PTPRK: variants seen among roughly 807,000 people sequenced by gnomAD.
PTPRK encodes protein tyrosine phosphatase receptor type K.
Under a neutral mutation model 178.0 loss-of-function variants are expected in PTPRK, and 75 were observed. The ratio of observed to expected loss-of-function variants is 0.42; its 90% CI spans 0.35 to 0.51. PTPRK has a LOEUF of 0.51. Among genes scored for constraint, PTPRK ranks in the 20% least tolerant of loss-of-function variants. PTPRK has a pLI of 0.02. For missense variants in PTPRK, 1,441 were observed against 1,797.8 expected, an observed-to-expected ratio of 0.80 and a Z score of 3.59; for synonymous variants, 637 against 620.6, an observed-to-expected ratio of 1.03 and a Z score of -0.39.
intron 1 of PTPRK, among the ~76,000 whole-genome samples, chr6:128,458,579 G>A (rs528023800): frequency 1.8e-4 from 27 of 152,220 alleles, no homozygotes; most frequent in African/African-American, 5.5e-4. Flanking sequence ...TTTTATGTGC[G>A]CATGTGCACA....
intron 22 of PTPRK, 30 bp downstream of exon 22, chr6:127,985,691 A>G: frequency 6.4e-7 from 1 of 1,558,760 alleles, no homozygotes; most frequent in Non-Finnish European, 8.8e-7. Context: ...CTGATTGCAT[A>G]CAGTCAATAC....
intron 13 of PTPRK, among the ~76,000 whole-genome samples, chr6:128,050,683 C>G (rs148572794): frequency 1.2e-4 from 18 of 152,320 alleles, no homozygotes; most frequent in Middle Eastern, 3.4e-3. Flanking sequence ...AGGAAACAAA[C>G]TATTACACTA....
chr6:128,090,764 T>C (rs2115026700), intron 7 of PTPRK, among the ~76,000 whole-genome samples: 1 of 152,284 alleles, frequency 6.6e-6, no homozygotes, highest in East Asian at 1.9e-4. Context: ...AAGACTAACT[T>C]GAATCATCTA....
At chr6:128,403,608 T>C (rs942013618) in intron 1 of PTPRK, among the ~76,000 whole-genome samples, 8 of 152,146 alleles carry the variant, frequency 5.3e-5, no homozygotes, top group Admixed American at 1.3e-4. Flanking sequence ...AGCATCCTTA[T>C]TTTTTCATGT....
In PTPRK at chr6:127,970,128, C is replaced by T. The variant is rs948392850; in HGVS notation, c.*99G>A. The T allele has an allele frequency of 4.6e-6, 4 of 875,104 alleles. No homozygotes were observed. The highest frequency in any genetic ancestry group is 3.5e-5 in the African/African-American group (2 of 57,444). 54.2% of individuals were successfully genotyped at this position (875,104 alleles called of 1,614,324 possible). ...AAATGTAAAAGTCTCCCACCCCCCA[C>T]ATTAAAATCTTTCTGCACAAGTGTA... On this transcript the variant is annotated 3_prime_UTR_variant, in exon 30 of 30. Transcript: ENST00000368226.
intron 6 of PTPRK, among the ~76,000 whole-genome samples, chr6:128,197,192 T>C (rs1805024529): frequency 1.3e-5 from 2 of 151,120 alleles, no homozygotes; most frequent in Admixed American, 6.6e-5. Flanking sequence ...TTCTTTTTTT[T>C]TTTTTTGGCT....
At chr6:128,236,954 T>A (rs776177419) in intron 5 of PTPRK, among the ~76,000 whole-genome samples, 3 of 152,186 alleles carry the variant, frequency 2.0e-5, no homozygotes, top group Admixed American at 6.5e-5. Flanking sequence ...TTTGTGTTTT[T>A]CCCTGCATTT....
chr6:128,184,617 T>C lies in PTPRK; in HGVS notation c.977A>G (p.Lys326Arg). The change falls in exon 7 of 30, where the codon AAA becomes AGA. Residue 326 changes from lysine (K) to arginine (R), a missense_variant. Physicochemically the swap from Lys to Arg is conservative, Grantham distance 26. This residue lies in a region of PTPRK where 945 missense variants were observed against 1,080.6 expected (regional missense o/e 0.87). Transcript: ENST00000368226. ...SIIGDGPIIL[K>R]EVEYRMTSGS... is the part of the protein sequence containing the mutation. ...TGATGTCATTCGGTACTCTACTTCTTTCAGGATGATAGGACCATCGCCAAT... is the reference window on the plus strand; with the variant it reads ...TGATGTCATTCGGTACTCTACTTCTCTCAGGATGATAGGACCATCGCCAAT... 6.2e-7 allele frequency: 1 copy of C among 1,614,044 alleles called. No individual in the cohort carries two copies.
chr6:128,336,473 G>C (rs967911131), intron 2 of PTPRK, among the ~76,000 whole-genome samples: 39 of 152,270 alleles, frequency 2.6e-4, no homozygotes, highest in African/African-American at 9.1e-4. Context: ...CTGGGAAAAT[G>C]GGAGGTAATT....
At chr6:128,299,660 G>T (rs1187179584) in intron 3 of PTPRK, among the ~76,000 whole-genome samples, 3 of 151,892 alleles carry the variant, frequency 2.0e-5, no homozygotes, top group African/African-American at 7.3e-5. Flanking sequence ...GGGAAAACTG[G>T]CTAGCCTTAT....
chr6:128,179,376 A>G (rs1485004388), intron 7 of PTPRK, among the ~76,000 whole-genome samples: 1 of 152,026 alleles, frequency 6.6e-6, no homozygotes, highest in Non-Finnish European at 1.5e-5. Context: ...TACTCACAAA[A>G]AGGAAATCTA....
chr6:128,307,190 T>TAC (rs377120617), intron 3 of PTPRK, among the ~76,000 whole-genome samples: 54 of 146,788 alleles, frequency 3.7e-4, no homozygotes, highest in East Asian at 1.4e-3. Context: ...GATATATACA[T>TAC]ACACACACAC....
rs1583355057 is a variant in PTPRK at position 128,180,237 on chromosome 6, G to A, written c.1162+4195C>T. Among the ~76,000 whole-genome samples the A allele has an allele frequency of 3.3e-5, 5 of 150,972 alleles. No individual in the cohort carries two copies. The South Asian group carries it at 1.0e-3, about 31-fold the overall frequency. On this transcript the variant is annotated intron_variant, in intron 7 of 29. Transcript: ENST00000368226. ...CATATTTTATTTCCATTTAATAAGA[G>A]AAAGAGAAACTGTATTTGCCTAGCT...
chr6:128,072,323 C>A (rs1430811686), intron 11 of PTPRK, among the ~76,000 whole-genome samples: 1 of 151,832 alleles, frequency 6.6e-6, no homozygotes, highest in Admixed American at 6.6e-5. Flanking sequence ...TCCCAATAAA[C>A]CCATTACAAG....
chr6:128,287,713 C>T (rs1023003589), intron 3 of PTPRK, among the ~76,000 whole-genome samples: 3 of 152,110 alleles, frequency 2.0e-5, no homozygotes, highest in African/African-American at 4.8e-5. Context: ...ACTTCCTTTC[C>T]GTCATTCTTG....
chr6:128,211,826 G>C (rs1391184568), intron 6 of PTPRK, among the ~76,000 whole-genome samples: 2 of 151,978 alleles, frequency 1.3e-5, no homozygotes, highest in Non-Finnish European at 2.9e-5. Context: ...GGGAGAGTGG[G>C]AGAGACTCAA....
chr6:128,437,615 G>A (rs1045691686), intron 1 of PTPRK, among the ~76,000 whole-genome samples: 2 of 152,170 alleles, frequency 1.3e-5, no homozygotes, highest in African/African-American at 2.4e-5. Flanking sequence ...AAGCCTTAGC[G>A]ATTATTTAGG....
intron 13 of PTPRK, among the ~76,000 whole-genome samples, chr6:128,018,069 A>G (rs1779818392): frequency 6.6e-6 from 1 of 151,578 alleles, no homozygotes; most frequent in Admixed American, 6.6e-5. Flanking sequence ...TTTTCCCATA[A>G]CCCAAATAAA....
In PTPRK at chr6:127,981,123, AGAGCAGCATT is replaced by A; in HGVS notation, c.3694_3703del (p.Asn1232LeufsTer22). 6.2e-7 allele frequency: 1 copy of A among 1,613,860 alleles called. No individual in the cohort carries two copies. The highest frequency in any genetic ancestry group is 8.5e-7 in the Non-Finnish European group (1 of 1,179,864). On this transcript the variant is annotated frameshift_variant, in exon 25 of 30. Transcript: ENST00000368226. LOFTEE classifies it high-confidence loss of function. ...AAGAGGGCAGTCTCTTACGTCCATA[AGAGCAGCATT>A]GATGTAGTTACTGCTCTCCCCATCA...
Sources: allele counts gnomAD v4.1 joint callset (sites outside exome capture counted in the v4.1 genomes callset), GRCh38; gene constraint gnomAD v4.1.1; regional missense constraint gnomAD v4.1.1; transcripts MANE v1.5; gene names NCBI Gene and HGNC (gene_info 2026-07-23, HGNC 2026-07-21).